The following SNRNP40 variants were observed in gnomAD, a reference collection of about 807,000 sequenced individuals.
SNRNP40 encodes the protein small nuclear ribonucleoprotein U5 subunit 40.
Under a neutral mutation model 45.8 loss-of-function variants are expected in SNRNP40, and 21 were observed. The observed-to-expected ratio is 0.46, with a 90% CI of 0.32 to 0.66. The LOEUF (loss-of-function observed/expected upper bound fraction) is 0.66. Ranked by LOEUF, SNRNP40 falls within the 30% of genes least tolerant of loss-of-function variation. The pLI, the probability that SNRNP40 is intolerant of heterozygous loss-of-function variation, is 0.03. For missense variants in SNRNP40, 344 were observed against 439.1 expected, an observed-to-expected ratio of 0.78 and a Z score of 1.94; for synonymous variants, 142 against 163.8, an observed-to-expected ratio of 0.87 and a Z score of 1.01.
intron 9 of SNRNP40, among the ~76,000 whole-genome samples, chr1:31,260,739 G>A (rs922235755): frequency 2.0e-5 from 3 of 151,260 alleles, no homozygotes; most frequent in African/African-American, 7.3e-5. Flanking sequence ...GTGGGTGCCT[G>A]TAGTCCCAGC....
chr1:31,288,327 T>C (rs1174162359), intron 4 of SNRNP40, among the ~76,000 whole-genome samples: 1 of 152,206 alleles, frequency 6.6e-6, no homozygotes, highest in Non-Finnish European at 1.5e-5. Context: ...AAATGGTTGG[T>C]ACTATGATGT....
intron 5 of SNRNP40, among the ~76,000 whole-genome samples, chr1:31,278,169 A>G (rs80160096): frequency 8.5e-5 from 13 of 152,316 alleles, no homozygotes; most frequent in African/African-American, 3.1e-4. Flanking sequence ...ATACATATAT[A>G]TAAAACCTTT....
chr1:31,285,085 TA>T (rs1318239396), intron 4 of SNRNP40, among the ~76,000 whole-genome samples: 1 of 152,234 alleles, frequency 6.6e-6, no homozygotes, highest in Non-Finnish European at 1.5e-5. Flanking sequence ...AAAGTTTGTT[TA>T]AAATAATTTA....
rs1047147167 is a variant in SNRNP40 at position 31,269,354 on chromosome 1, G to T, written c.776-114C>A. ...AATCAATGGCAGATGCTGTTTCCTCGGTGGGCAAAGTCCAACTTGACATAC... is the reference window on the plus strand; with the variant it reads ...AATCAATGGCAGATGCTGTTTCCTCTGTGGGCAAAGTCCAACTTGACATAC... On this transcript the variant is annotated intron_variant, in intron 6 of 9. Coordinates refer to ENST00000263694, the MANE Select transcript of SNRNP40 (RefSeq NM_004814.3). 6.6e-7 allele frequency: 1 copy of T among 1,506,386 alleles called. No homozygotes were observed. Among genetic ancestry groups the T allele is most frequent in the Non-Finnish European group, 8.9e-7 (1 of 1,127,270 alleles). 93.3% of individuals were successfully genotyped at this position (1,506,386 alleles called of 1,614,324 possible).
chr1:31,281,307 G>T, intron 5 of SNRNP40, 67 bp downstream of exon 5: 1 of 1,400,418 alleles, frequency 7.1e-7, no homozygotes. Flanking sequence ...AATCTCAGAA[G>T]TTTGAAAAAA....
intron 4 of SNRNP40, among the ~76,000 whole-genome samples, chr1:31,283,369 G>A (rs1437941207): frequency 6.6e-6 from 1 of 152,196 alleles, no homozygotes; most frequent in Non-Finnish European, 1.5e-5. Flanking sequence ...TTGGGAGGCC[G>A]AGGTGGATGG....
intron 4 of SNRNP40, among the ~76,000 whole-genome samples, chr1:31,283,365 G>C (rs556567726): frequency 6.6e-6 from 1 of 152,318 alleles, no homozygotes; most frequent in Admixed American, 6.5e-5. Flanking sequence ...CATTTTGGGA[G>C]GCCGAGGTGG....
chr1:31,271,695 G>T (rs1376485863), intron 5 of SNRNP40, among the ~76,000 whole-genome samples, 196 bp from the exon 6 acceptor site: 4 of 151,180 alleles, frequency 2.6e-5, no homozygotes, highest in African/African-American at 9.7e-5. Flanking sequence ...CTGTTGCCCA[G>T]TGCAGTGGCA....
At chr1:31,276,628 G>T (rs182532677) in intron 5 of SNRNP40, among the ~76,000 whole-genome samples, 7 of 152,180 alleles carry the variant, frequency 4.6e-5, no homozygotes, top group Non-Finnish European at 7.4e-5. Context: ...GCTCATGCCT[G>T]TAATCCCAAC....
At chr1:31,279,904 C>T (rs1210827839) in intron 5 of SNRNP40, among the ~76,000 whole-genome samples, 2 of 151,058 alleles carry the variant, frequency 1.3e-5, no homozygotes, top group Non-Finnish European at 2.9e-5. Context: ...GTCAGGAGTT[C>T]GAGATAAGCC....
chr1:31,264,903 T>TCAAGGTCTCA (rs1553166002), intron 8 of SNRNP40, among the ~76,000 whole-genome samples: 1 of 152,134 alleles, frequency 6.6e-6, no homozygotes, highest in Non-Finnish European at 1.5e-5. Context: ...GGTTTACACT[T>TCAAGGTCTCA]CAAGGTCTCA....
At position 31,289,311 on chromosome 1, in the gene SNRNP40, A is replaced by G. The variant is rs147146099; in HGVS notation, c.474T>C (p.Tyr158=). ...CAAGCTGAGGGCCTCTCCTGGCTGGATAACAGGAATTCACAAAGGAAGTAT... is the reference window on the plus strand; with the variant it reads ...CAAGCTGAGGGCCTCTCCTGGCTGGGTAACAGGAATTCACAAAGGAAGTAT... ...KGHTSFVNSC[Y]PARRGPQLVC... The change falls in exon 4 of 10, where the codon TAT becomes TAC. Residue 158 remains tyrosine (Y), a synonymous_variant. Transcript: ENST00000263694. The G allele has an allele frequency of 1.6e-5, 26 of 1,613,778 alleles. No individual in the cohort carries two copies. Among genetic ancestry groups the G allele is most frequent in the Non-Finnish European group, 2.2e-5 (26 of 1,179,746 alleles).
chr1:31,262,598 A>C (rs1645867129), intron 8 of SNRNP40, among the ~76,000 whole-genome samples: 1 of 151,150 alleles, frequency 6.6e-6, no homozygotes, highest in African/African-American at 2.4e-5. Context: ...AGATAAGAAA[A>C]CTGGGGCACA....
rs145895120 is a variant in SNRNP40, at chr1:31,295,260, G to A, written c.141+1351C>T. Among the ~76,000 whole-genome samples the A allele has an allele frequency of 6.9e-3, 1,054 of 152,254 alleles. 11 individuals are homozygous for A. Among genetic ancestry groups the A allele is most frequent in the South Asian group, 0.032 (153 of 4,818 alleles). ...TGTCTGTGGTCCCAGCTACTCAGGA[G>A]GCTGAGGCAGGAGGATCACTTGAGC... is the stretch of plus-strand genomic sequence containing the variant. On this transcript the variant is annotated intron_variant, in intron 1 of 9. Transcript: ENST00000263694.
chr1:31,277,853 C>G (rs1316630737), intron 5 of SNRNP40, among the ~76,000 whole-genome samples: 1 of 152,152 alleles, frequency 6.6e-6, no homozygotes, highest in Admixed American at 6.5e-5. Context: ...TGCCACCATG[C>G]CTGGTTAATT....
chr1:31,293,117 G>T, intron 2 of SNRNP40, 102 bp downstream of exon 2: 1 of 1,292,394 alleles, frequency 7.7e-7, no homozygotes, highest in Non-Finnish European at 1.1e-6. Context: ...AGCCTGTTAT[G>T]TTGCCAACAT....
chr1:31,285,096 A>G (rs1024797249), intron 4 of SNRNP40, among the ~76,000 whole-genome samples: 1 of 152,218 alleles, frequency 6.6e-6, no homozygotes, highest in East Asian at 1.9e-4. Flanking sequence ...AAAATAATTT[A>G]GAATTTTAGT....
intron 4 of SNRNP40, among the ~76,000 whole-genome samples, chr1:31,289,049 A>G (rs1646083454): frequency 6.6e-6 from 1 of 152,190 alleles, no homozygotes; most frequent in Non-Finnish European, 1.5e-5. Context: ...GTAACAATTT[A>G]TTCTATGGTT....
intron 2 of SNRNP40, among the ~76,000 whole-genome samples, chr1:31,292,533 G>T (rs1263219524): frequency 6.6e-6 from 1 of 152,160 alleles, no homozygotes; most frequent in Non-Finnish European, 1.5e-5. Flanking sequence ...AATGGGCAGT[G>T]AAGACGGGTA....
Sources: allele counts gnomAD v4.1 joint callset (sites outside exome capture counted in the v4.1 genomes callset), GRCh38; gene constraint gnomAD v4.1.1; transcripts MANE v1.5; gene names NCBI Gene and HGNC (gene_info 2026-07-23, HGNC 2026-07-21).